MATN2: variants seen among roughly 807,000 people sequenced by gnomAD.
MATN2 encodes the protein matrilin-2.
In MATN2, 69 loss-of-function variants were observed where a neutral mutation model predicts 103.2. That is an observed-to-expected ratio of 0.67 (90% CI 0.55 to 0.82). The LOEUF is 0.82. MATN2 is among the 40% of genes least tolerant of loss of function. The probability of loss-of-function intolerance (pLI) is 0.00; values close to 1 mark genes in which losing one functional copy is unlikely to be tolerated. For missense variants in MATN2, 1,023 were observed against 1,211.5 expected (o/e 0.84, Z 2.31); for synonymous variants, 429 against 450.2 (o/e 0.95, Z 0.60).
intron 1 of MATN2, among the ~76,000 whole-genome samples, chr8:97,869,574 G>A (rs973958178): frequency 1.3e-5 from 2 of 152,202 alleles, no homozygotes; most frequent in African/African-American, 4.8e-5. Context: ...CCGTGGGGGC[G>A]CTGTGGCACG....
intron 7 of MATN2, among the ~76,000 whole-genome samples, chr8:97,997,503 CTT>C (rs778131634): frequency 2.4e-4 from 37 of 152,236 alleles, no homozygotes; most frequent in Non-Finnish European, 4.3e-4. Context: ...GGCTCCAACT[CTT>C]TCACAAGTTA....
chr8:97,911,960 C>T (rs1321202326), intron 2 of MATN2, among the ~76,000 whole-genome samples: 1 of 152,190 alleles, frequency 6.6e-6, no homozygotes, highest in Non-Finnish European at 1.5e-5. Context: ...CATGACAACC[C>T]TATGAGGCAG....
intron 1 of MATN2, among the ~76,000 whole-genome samples, chr8:97,882,845 G>C (rs983842644): frequency 4.0e-5 from 6 of 151,866 alleles, no homozygotes; most frequent in Admixed American, 2.6e-4. Context: ...ATTTGTTGTG[G>C]CGTCTTATTG....
chr8:97,944,730 C>T (rs1810689728), intron 4 of MATN2, among the ~76,000 whole-genome samples: 1 of 152,216 alleles, frequency 6.6e-6, no homozygotes, highest in African/African-American at 2.4e-5. Flanking sequence ...CAAGTGAAGG[C>T]TGTGCCATCT....
chr8:97,988,903 C>T (rs1199577177), intron 6 of MATN2, among the ~76,000 whole-genome samples: 1 of 152,116 alleles, frequency 6.6e-6, no homozygotes, highest in Non-Finnish European at 1.5e-5. Context: ...GAAAACTATA[C>T]ACAAATATTT....
chr8:98,022,005 G>T (rs908194963), intron 13 of MATN2, among the ~76,000 whole-genome samples: 1 of 152,136 alleles, frequency 6.6e-6, no homozygotes, highest in African/African-American at 2.4e-5. Flanking sequence ...AGTTCTAGAA[G>T]TTTATCTTAC....
At chr8:98,029,960 T>C (rs186780095) in intron 14 of MATN2, among the ~76,000 whole-genome samples, 1 of 152,220 alleles carries the variant, frequency 6.6e-6, no homozygotes, top group Admixed American at 6.5e-5. Flanking sequence ...CCTTTTCAGC[T>C]TAGCACTTCC....
intron 1 of MATN2, among the ~76,000 whole-genome samples, chr8:97,873,357 T>C (rs962820898): frequency 1.3e-5 from 2 of 151,870 alleles, no homozygotes; most frequent in East Asian, 1.9e-4. Context: ...TTTTTCTTTT[T>C]TTTTTTTTTC....
chr8:97,899,231 A>G (rs945672496), intron 2 of MATN2, among the ~76,000 whole-genome samples: 1 of 152,156 alleles, frequency 6.6e-6, no homozygotes, highest in East Asian at 1.9e-4. Context: ...CTGTACAGCA[A>G]TTGCCTGCTT....
chr8:97,880,313 G>A (rs934278997), intron 1 of MATN2, among the ~76,000 whole-genome samples: 1 of 152,082 alleles, frequency 6.6e-6, no homozygotes, highest in Non-Finnish European at 1.5e-5. Flanking sequence ...ATATGTGTAA[G>A]CAGAAGCTCA....
intron 3 of MATN2, among the ~76,000 whole-genome samples, chr8:97,936,137 C>A (rs1316187048): frequency 6.6e-6 from 1 of 152,154 alleles, no homozygotes; most frequent in Admixed American, 6.5e-5. Flanking sequence ...GAGGTCCTGT[C>A]TACAAGATGA....
chr8:97,891,105 G>A (rs1312370412), intron 2 of MATN2, among the ~76,000 whole-genome samples: 3 of 152,136 alleles, frequency 2.0e-5, no homozygotes, highest in Admixed American at 6.5e-5. Flanking sequence ...GCCGGTTGGG[G>A]GTGTGGGGGT....
chr8:97,967,426 G>A (rs1811517894), intron 5 of MATN2, among the ~76,000 whole-genome samples: 1 of 151,160 alleles, frequency 6.6e-6, no homozygotes, highest in Admixed American at 6.6e-5. Flanking sequence ...TTCCACCTAT[G>A]AGCCTGTGAG....
rs533229703 is a variant in MATN2, at chr8:97,961,025, G to A, written c.836-383G>A. Among the ~76,000 whole-genome samples the A allele has an allele frequency of 2.6e-5, 4 of 152,234 alleles. No homozygotes were observed. The South Asian group carries it at 8.3e-4, about 32-fold the overall frequency. ...AGATGAGGTTTCACCATGTTGGCCAGGCTGGTCTCCAACTCCTGACCTCAA... is the reference window on the plus strand; with the variant it reads ...AGATGAGGTTTCACCATGTTGGCCAAGCTGGTCTCCAACTCCTGACCTCAA... On this transcript the variant is annotated intron_variant, in intron 4 of 18. Transcript: ENST00000254898.
intron 2 of MATN2, among the ~76,000 whole-genome samples, chr8:97,905,134 C>G (rs1563657653): frequency 6.6e-6 from 1 of 152,184 alleles, no homozygotes; most frequent in African/African-American, 2.4e-5. Context: ...ACATGTTACT[C>G]TATACCAAAT....
intron 6 of MATN2, among the ~76,000 whole-genome samples, chr8:97,980,566 T>A (rs1311665849): frequency 1.5e-5 from 2 of 136,862 alleles, no homozygotes; most frequent in African/African-American, 5.8e-5. Context: ...TCCTTTTTTT[T>A]TTTTTTTTTT....
At chr8:97,999,068 T>C (rs911330827) in intron 7 of MATN2, among the ~76,000 whole-genome samples, 2 of 152,346 alleles carry the variant, frequency 1.3e-5, no homozygotes, top group East Asian at 3.9e-4. Flanking sequence ...CTATTCTAGG[T>C]GCCTCATATA....
chr8:97,961,870 A>C (rs894957663), intron 5 of MATN2, among the ~76,000 whole-genome samples: 1 of 152,200 alleles, frequency 6.6e-6, no homozygotes, highest in Non-Finnish European at 1.5e-5. Flanking sequence ...TATATAGCTC[A>C]GGTGTTATAC....
chr8:97,994,405 A>T, intron 6 of MATN2, 75 bp from the exon 7 acceptor site: 1 of 1,506,834 alleles, frequency 6.6e-7, no homozygotes, highest in Non-Finnish European at 8.9e-7. Context: ...GAAAATGAAG[A>T]CTGGAAATCC....
Sources: allele counts gnomAD v4.1 joint callset (sites outside exome capture counted in the v4.1 genomes callset), GRCh38; gene constraint gnomAD v4.1.1; transcripts MANE v1.5; gene names NCBI Gene and HGNC (gene_info 2026-07-23, HGNC 2026-07-21).